The following PCSK6 variants were observed in gnomAD, a reference collection of about 807,000 sequenced individuals.
PCSK6 encodes proprotein convertase subtilisin/kexin type 6.
Under a neutral mutation model 123.3 loss-of-function variants are expected in PCSK6, and 85 were observed. That is an observed-to-expected ratio of 0.69 (90% confidence interval 0.58 to 0.83). PCSK6 has a LOEUF of 0.83. Among genes scored for constraint, PCSK6 ranks in the 40% least tolerant of loss-of-function variants. The probability of loss-of-function intolerance (pLI) is 0.00; values close to 1 mark genes in which losing one functional copy is unlikely to be tolerated. For synonymous variants in PCSK6, 508 were observed against 516.0 expected, an observed-to-expected ratio of 0.98 and a Z score of 0.21; for missense variants, 1,191 against 1,282.3, an observed-to-expected ratio of 0.93 and a Z score of 1.09.
chr15:101,479,462 G>C (rs766090593), intron 1 of PCSK6, among the ~76,000 whole-genome samples: 4 of 152,200 alleles, frequency 2.6e-5, no homozygotes, highest in Non-Finnish European at 5.9e-5. Context: ...CAGTGAGGCA[G>C]TCACCAGGAC....
At position 101,430,003 on chromosome 15, in the gene PCSK6, C is replaced by T. The variant is rs1340384641; in HGVS notation, c.718G>A (p.Ala240Thr). ...GTGACGTACTTATTTTCATTGCTGGCATCATATCGTGGAGATGGGTCATAA... is the reference window on the plus strand; with the variant it reads ...GTGACGTACTTATTTTCATTGCTGGTATCATATCGTGGAGATGGGTCATAA... ...NDYDPSPRYD[A>T]SNENKHGTRC... Residue 240 changes from alanine to threonine, a missense_variant, in exon 5 of 22, where the codon GCC (alanine) becomes ACC (threonine). This residue lies in a region of PCSK6 where 357 missense variants were observed against 484.5 expected (regional missense o/e 0.74). Transcript: ENST00000611716. 2 of 1,613,586 alleles carry T rather than the reference C, an allele frequency of 1.2e-6. No individual in the cohort carries two copies.
At chr15:101,474,984 T>C (rs1445594141) in intron 1 of PCSK6, among the ~76,000 whole-genome samples, 55 of 152,288 alleles carry the variant, frequency 3.6e-4, no homozygotes, top group Non-Finnish European at 1.3e-4. Context: ...TCACGATCCA[T>C]CTGCCCAAAC....
chr15:101,338,437 A>C (rs1434109445), intron 13 of PCSK6, among the ~76,000 whole-genome samples: 2 of 152,164 alleles, frequency 1.3e-5, no homozygotes, highest in Non-Finnish European at 2.9e-5. Flanking sequence ...CACCCCCAAG[A>C]GGCCACATTC....
intron 1 of PCSK6, among the ~76,000 whole-genome samples, chr15:101,449,276 G>C (rs2056971942): frequency 6.6e-6 from 1 of 152,032 alleles, no homozygotes; most frequent in African/African-American, 2.4e-5. Context: ...ATACCATATT[G>C]TTTAAGGAAA....
At chr15:101,324,825 T>G in intron 17 of PCSK6, 25 bp downstream of exon 17, 1 of 1,596,816 alleles carries the variant, frequency 6.3e-7, no homozygotes, top group Non-Finnish European at 8.6e-7. Flanking sequence ...TCATCAGTTC[T>G]TGTACCCACA....
chr15:101,379,149 G>A (rs913383770), intron 11 of PCSK6, among the ~76,000 whole-genome samples: 3 of 152,256 alleles, frequency 2.0e-5, no homozygotes, highest in African/African-American at 7.2e-5. Flanking sequence ...GGGTGCACAG[G>A]AGGGACATGC....
At chr15:101,472,616 A>C (rs1474604946) in intron 1 of PCSK6, among the ~76,000 whole-genome samples, 3 of 152,204 alleles carry the variant, frequency 2.0e-5, no homozygotes, top group African/African-American at 7.2e-5. Context: ...TGAGGAGGTC[A>C]GTTTTCAGGA....
At chr15:101,369,441 G>A (rs995338999) in intron 12 of PCSK6, among the ~76,000 whole-genome samples, 3 of 152,222 alleles carry the variant, frequency 2.0e-5, no homozygotes, top group African/African-American at 7.2e-5. Flanking sequence ...AGTCAAGTGG[G>A]CCCAGAGTGG....
At chr15:101,345,617 T>C (rs927888880) in intron 13 of PCSK6, among the ~76,000 whole-genome samples, 1 of 152,268 alleles carries the variant, frequency 6.6e-6, no homozygotes, top group African/African-American at 2.4e-5. Context: ...ACTACATACT[T>C]ATCAGCTTGA....
At chr15:101,362,162 T>G (rs2041246611) in intron 13 of PCSK6, among the ~76,000 whole-genome samples, 1 of 152,094 alleles carries the variant, frequency 6.6e-6, no homozygotes, top group African/African-American at 2.4e-5. Flanking sequence ...TTCACCATGT[T>G]GGCCAGGATG....
At chr15:101,426,916 A>C (rs73481279) in intron 6 of PCSK6, among the ~76,000 whole-genome samples, 398 of 152,294 alleles carry the variant, frequency 2.6e-3, no homozygotes, top group Middle Eastern at 0.01. Flanking sequence ...CAGCCACCTG[A>C]GTGAGCAGGA....
intron 12 of PCSK6, among the ~76,000 whole-genome samples, chr15:101,369,034 G>C (rs974909074): frequency 1.3e-5 from 2 of 152,084 alleles, no homozygotes; most frequent in Admixed American, 1.3e-4. Flanking sequence ...TGTGACACTC[G>C]TGCTATGAAA....
rs537835356 is a variant in PCSK6 at position 101,403,328 on chromosome 15, C to A, written c.824-4752G>T. 5.1e-3 allele frequency among the ~76,000 whole-genome samples: 753 copies of A among 147,316 alleles called. 12 individuals are homozygous for A. Among genetic ancestry groups the A allele is most frequent in the African/African-American group, 0.017 (671 of 39,660 alleles). On this transcript the variant is annotated intron_variant, in intron 6 of 21. Transcript: ENST00000611716. The stretch of plus-strand genomic sequence containing the variant: ...GGAGATATACCTAATGCTAAATGAC[C>A]AGTTAATGGGTGCAGCACACCAGCA...
intron 7 of PCSK6, among the ~76,000 whole-genome samples, chr15:101,393,968 A>G (rs1423408524): frequency 1.3e-5 from 2 of 152,174 alleles, no homozygotes; most frequent in Non-Finnish European, 2.9e-5. Context: ...CTCTGCGTGA[A>G]GACAGAATAG....
At chr15:101,427,820 C>A in intron 6 of PCSK6, 72 bp downstream of exon 6, 1 of 1,221,946 alleles carries the variant, frequency 8.2e-7, no homozygotes, top group Non-Finnish European at 1.2e-6. Context: ...CTGCTGAGAC[C>A]AGCGGACAGG....
At chr15:101,421,956 T>C (rs960466611) in intron 6 of PCSK6, among the ~76,000 whole-genome samples, 21 of 152,230 alleles carry the variant, frequency 1.4e-4, no homozygotes, top group African/African-American at 4.3e-4. Flanking sequence ...AATTATAAAC[T>C]CTGAAAAAAT....
intron 20 of PCSK6, chr15:101,313,165 G>GT (rs1389608615): frequency 1.7e-5 from 25 of 1,496,092 alleles, no homozygotes; most frequent in Non-Finnish European, 2.2e-5. Context: ...CTGCTGCACG[G>GT]TGTCTGCCCA....
At chr15:101,454,980 G>GAATAAATAAATAAATAAATAAATA (rs869105490) in intron 1 of PCSK6, among the ~76,000 whole-genome samples, 1,322 of 97,792 alleles carry the variant, frequency 0.014, 19 homozygotes, top group African/African-American at 0.038. Flanking sequence ...ATGAATGAAT[G>GAATAAATAAATAAATAAATAAATA]AATAAATAAA....
chr15:101,462,523 T>C (rs977476496), intron 1 of PCSK6, among the ~76,000 whole-genome samples: 2 of 152,162 alleles, frequency 1.3e-5, no homozygotes, highest in African/African-American at 4.8e-5. Context: ...CAAGCCTTAT[T>C]ATGAAGATAC....
Sources: gnomAD v4.1 joint callset for allele counts (sites outside exome capture counted in the v4.1 genomes callset) on GRCh38, gnomAD v4.1.1 for gene constraint, gnomAD v4.1.1 regional missense constraint, MANE v1.5 for transcripts, NCBI Gene and HGNC (gene_info 2026-07-23, HGNC 2026-07-21) for gene names.